The following ERC1 variants were observed in gnomAD, a reference collection of about 807,000 sequenced individuals.
ERC1 encodes the protein ELKS/RAB6-interacting/CAST family member 1.
In ERC1, 56 loss-of-function variants were observed where a neutral mutation model predicts 132.0. The ratio of observed to expected loss-of-function variants is 0.42; its 90% CI spans 0.34 to 0.53. The LOEUF is 0.53. ERC1 is among the 20% of genes least tolerant of loss of function. The pLI is 0.03. For missense variants in ERC1, 1,202 were observed against 1,349.9 expected (o/e 0.89, Z 1.72); for synonymous variants, 478 against 476.1 (o/e 1.00, Z -0.05).
At position 1,444,286 on chromosome 12, in the gene ERC1, C is replaced by T. The variant is rs555108209; in HGVS notation, c.3025-276C>T. The T allele has an allele frequency of 2.0e-5, 5 of 252,718 alleles. No homozygotes were observed. The South Asian group carries it at 5.6e-4, about 29-fold the overall frequency. 15.7% of individuals were successfully genotyped at this position (252,718 alleles called of 1,614,324 possible). On this transcript the variant is annotated intron_variant, in intron 17 of 18. Transcript: ENST00000360905. ...AACAAGTTAGTCCTGTGCTTAATTC[C>T]TGCCTCGATACAGAGCTGTCCGTCT...
At chr12:1,454,431 A>G (rs2093488126) in intron 18 of ERC1, among the ~76,000 whole-genome samples, 1 of 152,240 alleles carries the variant, frequency 6.6e-6, no homozygotes, top group Admixed American at 6.5e-5. Flanking sequence ...CTGGTCAGTC[A>G]GAAGCACAGG....
chr12:1,233,628 TCAAAA>T (rs374407196), intron 12 of ERC1, among the ~76,000 whole-genome samples: 5 of 152,036 alleles, frequency 3.3e-5, no homozygotes, highest in African/African-American at 1.2e-4. Flanking sequence ...ATATTCAGTA[TCAAAA>T]CAAACAAAAA....
chr12:1,312,557 C>T (rs2081383907), intron 15 of ERC1, among the ~76,000 whole-genome samples: 2 of 152,248 alleles, frequency 1.3e-5, no homozygotes, highest in South Asian at 2.1e-4. Context: ...CGAGGTTTCA[C>T]CATGTGGGTC....
At chr12:994,818 C>T (rs935260896) in intron 1 of ERC1, among the ~76,000 whole-genome samples, 2 of 151,960 alleles carry the variant, frequency 1.3e-5, no homozygotes, top group Non-Finnish European at 2.9e-5. Flanking sequence ...AAAATTAGGC[C>T]GGGTGCGGTG....
In ERC1 at chr12:1,163,322, C is replaced by T. The variant is rs924045605; in HGVS notation, c.1738-17218C>T. Among the ~76,000 whole-genome samples, 3 of 152,204 alleles carry T rather than the reference C, an allele frequency of 2.0e-5. No individual in the cohort carries two copies. In the South Asian group the frequency reaches 6.2e-4, roughly 32 times the overall value. On this transcript the variant is annotated intron_variant, in intron 8 of 18. Coordinates refer to ENST00000360905, the MANE Select transcript of ERC1 (RefSeq NM_178040.4). ...TTATGATATGTTCCTTAGCAGTATT[C>T]CTTCCACTTCCAGAACACTCCTCTC... is the stretch of plus-strand genomic sequence containing the variant.
At chr12:1,291,461 A>G (rs1411297375) in intron 15 of ERC1, among the ~76,000 whole-genome samples, 1 of 152,246 alleles carries the variant, frequency 6.6e-6, no homozygotes. Flanking sequence ...GGTTTAAATT[A>G]TTCAATTATT....
chr12:1,232,916 AATAATT>A (rs764834434), intron 12 of ERC1, among the ~76,000 whole-genome samples: 4 of 152,290 alleles, frequency 2.6e-5, no homozygotes, highest in Non-Finnish European at 5.9e-5. Flanking sequence ...ACAATAGAAA[AATAATT>A]AGAATTAGCA....
chr12:1,490,242 G>A lies in ERC1; in HGVS notation c.*12G>A, dbSNP rs562582186. 12 of 1,612,622 alleles carry A rather than the reference G, an allele frequency of 7.4e-6. No individual in the cohort carries two copies. The African/African-American group carries it at 1.3e-4, about 18-fold the overall frequency. Reference sequence around the variant, plus strand: ...AAGAGTCCTCTTGACCCTGCTTTATGGGGAAGCCTGAGGTAGTCAACCCAG... The same window carrying A: ...AAGAGTCCTCTTGACCCTGCTTTATAGGGAAGCCTGAGGTAGTCAACCCAG... On this transcript the variant is annotated 3_prime_UTR_variant, in exon 19 of 19. Transcript: ENST00000360905.
chr12:1,397,377 A>G (rs926670122), intron 16 of ERC1, among the ~76,000 whole-genome samples: 1 of 152,218 alleles, frequency 6.6e-6, no homozygotes, highest in African/African-American at 2.4e-5. Context: ...TTGCTATAAT[A>G]TTTATAATAG....
At chr12:1,380,464 G>T (rs1253700652) in intron 16 of ERC1, 2 of 152,274 alleles carry the variant, frequency 1.3e-5, no homozygotes, top group African/African-American at 4.8e-5. Context: ...GATGGAATGA[G>T]ATGCCAGTCT....
chr12:1,409,422 G>T (rs2091711255), intron 17 of ERC1, among the ~76,000 whole-genome samples: 1 of 152,140 alleles, frequency 6.6e-6, no homozygotes, highest in Non-Finnish European at 1.5e-5. Context: ...GATGCCTGGA[G>T]TAGGAAGAGA....
At chr12:1,212,959 A>C (rs958173102) in intron 12 of ERC1, among the ~76,000 whole-genome samples, 1 of 152,182 alleles carries the variant, frequency 6.6e-6, no homozygotes, top group Non-Finnish European at 1.5e-5. Context: ...TATGTAAAAA[A>C]CTTAGCAGGC....
intron 8 of ERC1, among the ~76,000 whole-genome samples, chr12:1,158,740 A>G (rs2154259505): frequency 6.6e-6 from 1 of 151,770 alleles, no homozygotes; most frequent in East Asian, 1.9e-4. Flanking sequence ...GGTGTGAGCC[A>G]CCGCGCCTGG....
At chr12:1,396,318 C>T (rs1419178981) in intron 16 of ERC1, among the ~76,000 whole-genome samples, 1 of 152,078 alleles carries the variant, frequency 6.6e-6, no homozygotes, top group East Asian at 1.9e-4. Context: ...GACTCATTGC[C>T]AAAAAATATA....
At chr12:1,178,918 A>G (rs1954050941) in intron 8 of ERC1, among the ~76,000 whole-genome samples, 1 of 152,196 alleles carries the variant, frequency 6.6e-6, no homozygotes, top group South Asian at 2.1e-4. Flanking sequence ...CAACTGGAAA[A>G]GTGCCTGATC....
chr12:1,031,520 A>G (rs1968041536), intron 2 of ERC1, among the ~76,000 whole-genome samples: 1 of 152,210 alleles, frequency 6.6e-6, no homozygotes, highest in Non-Finnish European at 1.5e-5. Context: ...AACGCAAATT[A>G]AAAACCTTGA....
chr12:1,463,647 G>A (rs1198770167), intron 18 of ERC1, among the ~76,000 whole-genome samples: 2 of 151,506 alleles, frequency 1.3e-5, no homozygotes, highest in Non-Finnish European at 2.9e-5. Flanking sequence ...ATGTGTGTCC[G>A]TATCAGGACT....
intron 18 of ERC1, among the ~76,000 whole-genome samples, chr12:1,475,425 A>G (rs1392398443): frequency 6.6e-6 from 1 of 152,232 alleles, no homozygotes; most frequent in Non-Finnish European, 1.5e-5. Context: ...TTAAACATAA[A>G]ACCAACTATT....
intron 7 of ERC1, among the ~76,000 whole-genome samples, chr12:1,124,625 A>G (rs1398357131): frequency 6.6e-6 from 1 of 152,010 alleles, no homozygotes; most frequent in African/African-American, 2.4e-5. Flanking sequence ...AGTTAATCCA[A>G]AAACAATAAA....
Sources: allele counts gnomAD v4.1 joint callset (sites outside exome capture counted in the v4.1 genomes callset), GRCh38; gene constraint gnomAD v4.1.1; transcripts MANE v1.5; gene names NCBI Gene and HGNC (gene_info 2026-07-23, HGNC 2026-07-21).